The following UGT2B11 variants were observed in gnomAD, a reference collection of about 807,000 sequenced individuals.
UGT2B11 encodes UDP-glucuronosyltransferase 2B11.
A neutral mutation model predicts 51.7 loss-of-function variants in UGT2B11; 49 were observed. The ratio of observed to expected loss-of-function variants is 0.95; its 90% CI spans 0.75 to 1.20. The LOEUF (loss-of-function observed/expected upper bound fraction) is 1.20. UGT2B11 is among the 50% of genes most tolerant of loss of function. UGT2B11 has a pLI of 0.00. For missense variants in UGT2B11, 810 were observed against 622.1 expected (o/e 1.30, Z -3.21); for synonymous variants, 273 against 209.0 (o/e 1.31, Z -2.64).
rs769271079 is a variant in UGT2B11 at position 69,214,608 on chromosome 4, T to G, written c.115A>C (p.Met39Leu). The G allele has an allele frequency of 7.4e-6, 12 of 1,613,270 alleles. No individual in the cohort carries two copies. Among genetic ancestry groups the G allele is most frequent in the Admixed American group, 1.7e-5 (1 of 59,924 alleles). ...ACAAGCTCTTTCAGGATTGTCTTCA[T>G]ATTCATCCAATGGCTGTATTCTGCG... ...WAAEYSHWMN[M>L]KTILKELVQR... is the part of the protein sequence containing the mutation. Residue 39 changes from methionine (M) to leucine (L), a missense_variant, in exon 1 of 6, where the codon ATG (methionine) becomes CTG (leucine). Coordinates refer to ENST00000446444, the MANE Select transcript of UGT2B11 (RefSeq NM_001073.3).
chr4:69,224,000 A>G, the UGT2B11 span, among the ~76,000 whole-genome samples: 2 of 152,180 alleles, frequency 1.3e-5, no homozygotes, highest in African/African-American at 4.8e-5. Flanking sequence ...TTACAGACCT[A>G]TCTTTAAATT....
intron 5 of UGT2B11, among the ~76,000 whole-genome samples, chr4:69,201,461 A>G (rs879391299): frequency 1.3e-5 from 2 of 151,800 alleles, no homozygotes; most frequent in Non-Finnish European, 2.9e-5. Context: ...CAACTCTGTT[A>G]TTTGGTCTAC....
At chr4:69,203,443 T>G (rs1203129561) in intron 5 of UGT2B11, among the ~76,000 whole-genome samples, 1 of 151,742 alleles carries the variant, frequency 6.6e-6, no homozygotes, top group Admixed American at 6.6e-5. Flanking sequence ...GAAAACAGTT[T>G]AGCAGTTCTC....
At chr4:69,220,259 T>C in the UGT2B11 span, among the ~76,000 whole-genome samples, 2 of 660 alleles carry the variant, frequency 3.0e-3, no homozygotes, top group East Asian at 0.1. Context: ...TCTTCGGCAG[T>C]TCAACCCTTT....
intron 1 of UGT2B11, among the ~76,000 whole-genome samples, chr4:69,213,600 A>G (rs1722154553): frequency 6.6e-6 from 1 of 151,852 alleles, no homozygotes; most frequent in Non-Finnish European, 1.5e-5. Context: ...TTACAAGGAA[A>G]ACTTTCTGCA....
intron 5 of UGT2B11, chr4:69,201,208 A>C (rs1481464347): frequency 6.6e-6 from 1 of 152,162 alleles, no homozygotes; most frequent in African/African-American, 2.4e-5. Context: ...GAGCCATTTT[A>C]AGTGCTGTAA....
Position 69,205,204 on chromosome 4 carries a change from C to T in UGT2B11, c.1090+276G>A, listed in dbSNP as rs533514703. On this transcript the variant is annotated intron_variant, in intron 4 of 5. Coordinates refer to ENST00000446444, the MANE Select transcript of UGT2B11 (RefSeq NM_001073.3). ...GAAAACAGGTGTAAAATTGTAGAAA[C>T]AGGAGACAGAGAGACAGCCCAGGAA... Among the ~76,000 whole-genome samples, 5 of 151,648 alleles carry T rather than the reference C, an allele frequency of 3.3e-5. No individual in the cohort carries two copies. In the South Asian group the frequency reaches 8.3e-4, roughly 25 times the overall value.
At chr4:69,221,586 G>A in the UGT2B11 span, among the ~76,000 whole-genome samples, 3 of 152,248 alleles carry the variant, frequency 2.0e-5, no homozygotes, top group South Asian at 4.1e-4. Context: ...TAATAAGGGT[G>A]TGGGACTTTC....
the UGT2B11 span, among the ~76,000 whole-genome samples, chr4:69,224,837 T>C: frequency 5.3e-5 from 8 of 151,742 alleles, no homozygotes; most frequent in Non-Finnish European, 1.2e-4. Context: ...AGCGGGTAGC[T>C]AGTGTTAGAT....
chr4:69,201,646 C>T (rs549420008), intron 5 of UGT2B11, among the ~76,000 whole-genome samples: 1 of 151,814 alleles, frequency 6.6e-6, no homozygotes, highest in Non-Finnish European at 1.5e-5. Flanking sequence ...TTGCTACAAC[C>T]CAAGGCATGT....
chr4:69,213,813 G>A (rs570865638), intron 1 of UGT2B11, among the ~76,000 whole-genome samples, 189 bp downstream of exon 1: 1 of 151,636 alleles, frequency 6.6e-6, no homozygotes, highest in African/African-American at 2.4e-5. Context: ...ATGGCCACAG[G>A]GTTTTAACAG....
intron 2 of UGT2B11, 68 bp downstream of exon 2, chr4:69,212,505 A>G: frequency 3.8e-6 from 6 of 1,566,624 alleles, no homozygotes; most frequent in Non-Finnish European, 5.2e-6. Context: ...ATTTTGAATG[A>G]AAACTATAGA....
intron 3 of UGT2B11, among the ~76,000 whole-genome samples, chr4:69,206,320 G>C (rs545081159): frequency 9.9e-5 from 15 of 151,758 alleles, no homozygotes; most frequent in Middle Eastern, 3.4e-3. Context: ...TATGTATTTT[G>C]CAGGGATAAG....
chr4:69,208,401 C>A lies in UGT2B11; in HGVS notation c.952G>T (p.Ala318Ser). The A allele has an allele frequency of 6.2e-7, 1 of 1,610,914 alleles. No individual in the cohort carries two copies. Among genetic ancestry groups the A allele is most frequent in the Non-Finnish European group, 8.5e-7 (1 of 1,178,172 alleles). Residue 318 changes from alanine (A) to serine (S), a missense_variant, in exon 3 of 6, where the codon GCA (alanine) becomes TCA (serine). Transcript: ENST00000446444. ...GTTGCAATTACATTGGCCCTTTCTGCTGTCATGTTACTTATCACTGACCCC... is the reference window on the plus strand; with the variant it reads ...GTTGCAATTACATTGGCCCTTTCTGATGTCATGTTACTTATCACTGACCCC... ...SLGSVISNMT[A>S]ERANVIATAL...
Position 69,200,585 on chromosome 4 carries a change from T to A in UGT2B11, c.1445A>T (p.Asp482Val). 6.2e-7 allele frequency: 1 copy of A among 1,612,334 alleles called. No individual in the cohort carries two copies. Among genetic ancestry groups the A allele is most frequent in the South Asian group, 1.1e-5 (1 of 91,020 alleles). The change falls in exon 6 of 6, where the codon GAC (aspartate) becomes GTC (valine). Residue 482 changes from aspartate (D) to valine (V), a missense_variant. Physicochemically the swap from Asp to Val is radical, Grantham distance 152. Coordinates refer to ENST00000446444, the MANE Select transcript of UGT2B11 (RefSeq NM_001073.3). ...GAKHLRVAAHDLTWFQYHSLD... is the reference protein window; with the variant it reads ...GAKHLRVAAHVLTWFQYHSLD... The stretch of plus-strand genomic sequence containing the variant: ...AGAGTGGTACTGGAACCAGGTGAGG[T>A]CATGGGCTGCAACTCGAAGGTGTTT...
chr4:69,208,362 T>C lies in UGT2B11; in HGVS notation c.991A>G (p.Ile331Val), dbSNP rs1721934628. The change falls in exon 3 of 6, where the codon ATC (isoleucine) becomes GTC (valine). Residue 331 changes from isoleucine to valine, a missense_variant. Coordinates refer to ENST00000446444, the MANE Select transcript of UGT2B11 (RefSeq NM_001073.3). ...ANVIATALAKIPQKVLWRFDG... is the reference protein window; with the variant it reads ...ANVIATALAKVPQKVLWRFDG... ...GCCCTTTATCTTACCTTTTGTGGGA[T>C]CTTGGCAAGGGCTGTTGCAATTACA... The C allele has an allele frequency of 4.3e-6, 7 of 1,610,922 alleles. No individual in the cohort carries two copies. The highest frequency in any genetic ancestry group is 5.9e-6 in the Non-Finnish European group (7 of 1,178,020).
chr4:69,202,271 G>A (rs1560535783), intron 5 of UGT2B11, among the ~76,000 whole-genome samples: 1 of 151,678 alleles, frequency 6.6e-6, no homozygotes, highest in Admixed American at 6.6e-5. Flanking sequence ...ATATATTTAT[G>A]TATATCTGTT....
chr4:69,209,713 T>A (rs1721987077), intron 2 of UGT2B11, among the ~76,000 whole-genome samples: 1 of 151,562 alleles, frequency 6.6e-6, no homozygotes, highest in Non-Finnish European at 1.5e-5. Context: ...AGGTGTTGCG[T>A]GTGATTGCAG....
intron 3 of UGT2B11, among the ~76,000 whole-genome samples, chr4:69,206,274 C>G (rs1213125125): frequency 6.7e-6 from 1 of 149,100 alleles, no homozygotes; most frequent in Non-Finnish European, 1.5e-5. Flanking sequence ...CATATATACA[C>G]TACGGAATAT....
Sources: allele counts gnomAD v4.1 joint callset (sites outside exome capture counted in the v4.1 genomes callset), GRCh38; gene constraint gnomAD v4.1.1; transcripts MANE v1.5; gene names NCBI Gene and HGNC (gene_info 2026-07-23, HGNC 2026-07-21).